The following HERC4 variants were observed in gnomAD, a reference collection of about 807,000 sequenced individuals.
The protein encoded by HERC4 is HECT and RLD domain containing E3 ubiquitin protein ligase 4, also known as probable E3 ubiquitin-protein ligase HERC4.
Under a neutral mutation model 124.3 loss-of-function variants are expected in HERC4, and 28 were observed. That is an observed-to-expected ratio of 0.23 (90% CI 0.17 to 0.31). The LOEUF is 0.31. Ranked by LOEUF, HERC4 falls within the 10% of genes least tolerant of loss-of-function variation. HERC4 has a pLI of 1.00. For missense variants in HERC4, 713 were observed against 1,229.3 expected (o/e 0.58, Z 6.28); for synonymous variants, 407 against 421.5 (o/e 0.97, Z 0.42).
chr10:68,031,194 T>C (rs1280428266), intron 7 of HERC4, among the ~76,000 whole-genome samples: 1 of 152,188 alleles, frequency 6.6e-6, no homozygotes, highest in East Asian at 1.9e-4. Context: ...TAGCATTTCT[T>C]AAAACTAAAT....
chr10:67,992,252 T>C lies in HERC4; in HGVS notation c.1218A>G (p.Leu406=). 1 of 1,614,112 alleles carries C rather than the reference T, an allele frequency of 6.2e-7. No individual in the cohort carries two copies. The highest frequency in any genetic ancestry group is 8.5e-7 in the Non-Finnish European group (1 of 1,179,978). ...TKQIWTVNEA[L]IQKWLSYPSG... is the part of the protein sequence containing the mutation. ...AAGGATAGCTCAGCCATTTCTGAAT[T>C]AGAGCTTCATTCACTGTCCAGATCT... Residue 406 remains leucine (L), a synonymous_variant, in exon 11 of 25, where the codon CTA becomes CTG. Coordinates refer to ENST00000373700, the MANE Select transcript of HERC4 (RefSeq NM_015601.4).
intron 23 of HERC4, among the ~76,000 whole-genome samples, chr10:67,930,272 C>T (rs1186523950): frequency 6.6e-6 from 1 of 151,972 alleles, no homozygotes; most frequent in Non-Finnish European, 1.5e-5. Flanking sequence ...ACACACATAC[C>T]ATAAAGTTTG....
chr10:67,992,308 C>G lies in HERC4; in HGVS notation c.1162G>C (p.Asp388His). Residue 388 changes from aspartate to histidine, a missense_variant, in exon 11 of 25, where the codon GAT (aspartate) becomes CAT (histidine). Physicochemically the swap from Asp to His is moderately conservative, Grantham distance 81. Transcript: ENST00000373700. ...GTCGGATTGGGACATCTGAAGTCAT[C>G]TGGTGGCCCACAGTTCTAAATTTTC... ...YSSPQNCGPP[D>H]DFRCPNPTKQ... The G allele has an allele frequency of 3.1e-6, 5 of 1,613,830 alleles. No individual in the cohort carries two copies. Among genetic ancestry groups the G allele is most frequent in the Non-Finnish European group, 4.2e-6 (5 of 1,179,780 alleles).
chr10:68,010,858 A>G, intron 9 of HERC4: 3 of 1,525,654 alleles, frequency 2.0e-6, no homozygotes, highest in South Asian at 2.3e-5. Flanking sequence ...CTTTCTGCAG[A>G]GCTTTGAGAT....
intron 16 of HERC4, among the ~76,000 whole-genome samples, chr10:67,958,915 TTTCA>T (rs2034317106): frequency 6.6e-6 from 1 of 152,194 alleles, no homozygotes; most frequent in Non-Finnish European, 1.5e-5. Flanking sequence ...GTTAACAGAA[TTTCA>T]TTTTCTTCAG....
chr10:68,069,368 C>T (rs988037334), intron 3 of HERC4: 6 of 984,828 alleles, frequency 6.1e-6, no homozygotes, highest in Non-Finnish European at 7.2e-6. Context: ...ACATTCACTT[C>T]TCTGGAAATA....
chr10:68,011,618 C>T (rs2037960254), intron 9 of HERC4, among the ~76,000 whole-genome samples: 1 of 152,146 alleles, frequency 6.6e-6, no homozygotes, highest in African/African-American at 2.4e-5. Flanking sequence ...CAACAGTGGG[C>T]TTAAGCCCAT....
At chr10:67,991,045 G>C in intron 12 of HERC4, 30 bp from the exon 13 acceptor site, 1 of 1,342,956 alleles carries the variant, frequency 7.4e-7, no homozygotes, top group Non-Finnish European at 1.0e-6. Flanking sequence ...AAAAAAAATA[G>C]AATAAAAATT....
rs148129699 is a variant in HERC4 at position 68,011,102 on chromosome 10, G to T, written c.1069+2924C>A. ...ATCAAAGACAGGGTCTTGCTCTGTCGCCCAGGCTGGAGTGCACTAGTATGA... is the reference window on the plus strand; with the variant it reads ...ATCAAAGACAGGGTCTTGCTCTGTCTCCCAGGCTGGAGTGCACTAGTATGA... On this transcript the variant is annotated intron_variant, in intron 9 of 24. Coordinates refer to ENST00000373700, the MANE Select transcript of HERC4 (RefSeq NM_015601.4). 5.8e-3 allele frequency among the ~76,000 whole-genome samples: 876 copies of T among 152,200 alleles called. 5 individuals are homozygous for T. Among genetic ancestry groups the T allele is most frequent in the South Asian group, 0.027 (129 of 4,814 alleles).
At chr10:68,045,260 T>C (rs2039964869) in intron 3 of HERC4, among the ~76,000 whole-genome samples, 1 of 151,982 alleles carries the variant, frequency 6.6e-6, no homozygotes, top group Admixed American at 6.6e-5. Flanking sequence ...GAGATGGAGG[T>C]TGCAGTAAGC....
intron 22 of HERC4, among the ~76,000 whole-genome samples, chr10:67,934,241 T>C (rs1414189743): frequency 6.6e-6 from 1 of 152,208 alleles, no homozygotes; most frequent in Non-Finnish European, 1.5e-5. Flanking sequence ...TTAACATTTC[T>C]ATATTATTCA....
chr10:67,956,039 C>T (rs2034123179), intron 17 of HERC4: 1 of 152,064 alleles, frequency 6.6e-6, no homozygotes, highest in African/African-American at 2.4e-5. Flanking sequence ...TAGAACACTA[C>T]AAAAATATTT....
At chr10:67,984,562 T>TA (rs960009064) in intron 15 of HERC4, among the ~76,000 whole-genome samples, 34 of 148,566 alleles carry the variant, frequency 2.3e-4, no homozygotes, top group South Asian at 4.3e-4. Flanking sequence ...ATAAAAATAT[T>TA]AAAAAAAAAA....
chr10:67,976,660 A>G (rs2035607567), intron 15 of HERC4, among the ~76,000 whole-genome samples: 1 of 152,126 alleles, frequency 6.6e-6, no homozygotes, highest in Non-Finnish European at 1.5e-5. Flanking sequence ...AGAGATACAA[A>G]AAAGTCTTGA....
intron 15 of HERC4, among the ~76,000 whole-genome samples, chr10:67,976,278 T>G (rs1360042682): frequency 2.6e-5 from 4 of 152,166 alleles, no homozygotes; most frequent in Non-Finnish European, 5.9e-5. Flanking sequence ...ATATACAGAA[T>G]AGTTATACAA....
At chr10:68,031,445 T>G (rs1030942093) in intron 7 of HERC4, among the ~76,000 whole-genome samples, 5 of 152,184 alleles carry the variant, frequency 3.3e-5, no homozygotes, top group Non-Finnish European at 7.4e-5. Context: ...ATTTGTTATC[T>G]GAATGCCAAA....
chr10:67,985,764 T>C (rs145161370), intron 15 of HERC4, among the ~76,000 whole-genome samples: 291 of 152,362 alleles, frequency 1.9e-3, no homozygotes, highest in Middle Eastern at 0.01. Flanking sequence ...AAAGGTATTT[T>C]CTTATGATGC....
At chr10:68,032,677 A>G (rs551985831) in intron 7 of HERC4, 101 bp downstream of exon 7, 4 of 652,754 alleles carry the variant, frequency 6.1e-6, no homozygotes, top group African/African-American at 5.4e-5. Context: ...TGAAATACCA[A>G]TAACACTCAA....
intron 15 of HERC4, among the ~76,000 whole-genome samples, chr10:67,979,098 T>C (rs1347839588): frequency 6.6e-6 from 1 of 152,078 alleles, no homozygotes; most frequent in African/African-American, 2.4e-5. Context: ...TGTTAAGTTA[T>C]CAAGACCATC....
Sources: allele counts gnomAD v4.1 joint callset (sites outside exome capture counted in the v4.1 genomes callset), GRCh38; gene constraint gnomAD v4.1.1; transcripts MANE v1.5; gene names NCBI Gene and HGNC (gene_info 2026-07-23, HGNC 2026-07-21).